TCEA2: variants seen among roughly 807,000 people sequenced by gnomAD.
TCEA2 encodes transcription elongation factor A protein 2.
Under a neutral mutation model 40.8 loss-of-function variants are expected in TCEA2, and 21 were observed. That is an observed-to-expected ratio of 0.51 (90% CI 0.36 to 0.74). The LOEUF is 0.74. Ranked by LOEUF, TCEA2 falls within the 30% of genes least tolerant of loss-of-function variation. TCEA2 has a pLI of 0.00. For synonymous variants in TCEA2, 165 were observed against 162.7 expected (o/e 1.01, Z -0.11); for missense variants, 326 against 426.5 (o/e 0.76, Z 2.08).
At chr20:64,065,356 C>T (rs1184390997) in intron 1 of TCEA2, among the ~76,000 whole-genome samples, 1 of 152,206 alleles carries the variant, frequency 6.6e-6, no homozygotes, top group Admixed American at 6.5e-5. Flanking sequence ...GGGACAAGCC[C>T]CTCCCATGGC....
chr20:64,061,666 C>T (rs1367560029), upstream of TCEA2, among the ~76,000 whole-genome samples: 7 of 152,138 alleles, frequency 4.6e-5, no homozygotes, highest in African/African-American at 1.7e-4. Context: ...CCACCTCAGC[C>T]TCCCAAAGTG....
intron 4 of TCEA2, 69 bp downstream of exon 4, chr20:64,068,203 G>A: frequency 7.2e-7 from 1 of 1,390,814 alleles, no homozygotes; most frequent in South Asian, 1.2e-5. Context: ...GAGAAAGGGT[G>A]CCAGTCTCCA....
At chr20:64,069,523 C>T (rs766891211) in intron 5 of TCEA2, 32 bp downstream of exon 5, 18 of 1,605,610 alleles carry the variant, frequency 1.1e-5, no homozygotes, top group African/African-American at 4.0e-5. Flanking sequence ...TCCTGACACC[C>T]GCTGTGGTTC....
chr20:64,061,844 T>A (rs2059571991), upstream of TCEA2, among the ~76,000 whole-genome samples: 1 of 152,194 alleles, frequency 6.6e-6, no homozygotes, highest in African/African-American at 2.4e-5. Context: ...TTCTCCTGCC[T>A]TAGCCTCCCA....
intron 1 of TCEA2, chr20:64,063,699 T>C (rs1224444548): frequency 5.0e-6 from 2 of 400,196 alleles, no homozygotes; most frequent in African/African-American, 2.1e-5. Context: ...TCCCTGTCCC[T>C]TAACTCCAGA....
chr20:64,067,890 C>A (rs1008630880), intron 3 of TCEA2, among the ~76,000 whole-genome samples, 157 bp from the exon 4 acceptor site: 60 of 152,224 alleles, frequency 3.9e-4, no homozygotes, highest in Non-Finnish European at 8.1e-4. Context: ...TGGGCAGCCT[C>A]CTGGCCCCTG....
At chr20:64,066,663 GT>G in intron 2 of TCEA2, 125 bp downstream of exon 2, 1 of 1,111,290 alleles carries the variant, frequency 9.0e-7, no homozygotes, top group East Asian at 2.5e-5. Context: ...ACAAATGCCT[GT>G]TCCTGAGGAG....
upstream of TCEA2, chr20:64,063,137 G>A: frequency 2.5e-6 from 1 of 401,276 alleles, no homozygotes; most frequent in Non-Finnish European, 3.9e-6. Flanking sequence ...CGTGGACTAC[G>A]CATCCTAGGA....
upstream of TCEA2, chr20:64,057,273 G>A (rs562993855): frequency 2.0e-5 from 3 of 152,380 alleles, no homozygotes; most frequent in East Asian, 1.9e-4. Flanking sequence ...TTCAGGCTAC[G>A]TGCATTTCCG....
chr20:64,070,066 C>T (rs774227753), intron 6 of TCEA2, 194 bp from the exon 7 acceptor site: 1 of 926,358 alleles, frequency 1.1e-6, no homozygotes, highest in Non-Finnish European at 1.7e-6. Context: ...AGCTGGGTCT[C>T]AGTCAGGAAT....
rs781357760 is a variant in TCEA2, at chr20:64,066,586, CA to C, written c.135+49del. Reference sequence around the variant, plus strand: ...TCCAGGACAGCTCCTGGGTGCAGCCCAGGGGATGGCAGTTCTGAGGGCACCT... The same window carrying C: ...TCCAGGACAGCTCCTGGGTGCAGCCCGGGGATGGCAGTTCTGAGGGCACCT... On this transcript the variant is annotated intron_variant, in intron 2 of 9. Coordinates refer to ENST00000343484, the MANE Select transcript of TCEA2 (RefSeq NM_003195.6). 159 of 1,595,318 alleles carry C rather than the reference CA, an allele frequency of 1.0e-4. No homozygotes were observed. The African/African-American group carries it at 2.0e-3, about 20-fold the overall frequency.
At chr20:64,069,978 T>G in intron 6 of TCEA2, 157 bp downstream of exon 6, 1 of 992,028 alleles carries the variant, frequency 1.0e-6, no homozygotes, top group Non-Finnish European at 1.5e-6. Context: ...CTGTCTCACC[T>G]CAGGAGGGCC....
rs1006446975 is a variant in TCEA2 at position 64,069,490 on chromosome 20, C to T, written c.459C>T (p.Asp153=). 1.2e-6 allele frequency: 2 copies of T among 1,612,474 alleles called. No individual in the cohort carries two copies. Among genetic ancestry groups the T allele is most frequent in the Non-Finnish European group, 1.7e-6 (2 of 1,179,630 alleles). ...REMLTAALQT[D]HDHVAIGADC... is the part of the protein sequence containing the mutation. ...TGCTGACCGCTGCCCTGCAGACGGA[C>T]CGTGAGTGCGGCCGGCCCTGGCTCC... The change falls in exon 5 of 10, where the codon GAC becomes GAT. Residue 153 remains aspartate, a splice_region_variant and synonymous_variant. Coordinates refer to ENST00000343484, the MANE Select transcript of TCEA2 (RefSeq NM_003195.6).
chr20:64,060,072 G>A (rs2059532581), upstream of TCEA2, among the ~76,000 whole-genome samples: 1 of 152,178 alleles, frequency 6.6e-6, no homozygotes, highest in South Asian at 2.1e-4. Context: ...GCTCCTTGAT[G>A]CTTCTGGGAC....
upstream of TCEA2, chr20:64,062,628 A>C (rs1325463672): frequency 6.6e-6 from 1 of 152,316 alleles, no homozygotes; most frequent in Non-Finnish European, 1.5e-5. Flanking sequence ...CGCGAACCCC[A>C]GCAATGGCCC....
At chr20:64,060,992 G>A (rs2059551960), upstream of TCEA2, among the ~76,000 whole-genome samples, 1 of 150,708 alleles carries the variant, frequency 6.6e-6, no homozygotes, top group Admixed American at 6.6e-5. Context: ...GTAGAGACGG[G>A]GTTTCACCCT....
chr20:64,064,528 T>C (rs1057470490), intron 1 of TCEA2, among the ~76,000 whole-genome samples: 20 of 152,026 alleles, frequency 1.3e-4, no homozygotes, highest in African/African-American at 4.3e-4. Flanking sequence ...ACCCAGACTG[T>C]GAACTCCTGG....
upstream of TCEA2, among the ~76,000 whole-genome samples, chr20:64,060,814 C>T (rs530959082): frequency 3.0e-4 from 46 of 151,494 alleles, 1 homozygote; most frequent in Middle Eastern, 3.4e-3. Context: ...TTTTTTGCGA[C>T]GAGTCTCACT....
At chr20:64,071,073 G>C (rs1171247196) in intron 8 of TCEA2, among the ~76,000 whole-genome samples, 1 of 152,192 alleles carries the variant, frequency 6.6e-6, no homozygotes, top group East Asian at 1.9e-4. Context: ...AGTGCGGCTG[G>C]GTGCAGTGGC....
Sources: gnomAD v4.1 joint callset for allele counts (sites outside exome capture counted in the v4.1 genomes callset) on GRCh38, gnomAD v4.1.1 for gene constraint, MANE v1.5 for transcripts, NCBI Gene and HGNC (gene_info 2026-07-23, HGNC 2026-07-21) for gene names.